The following STXBP5 variants were observed in gnomAD, a reference collection of about 807,000 sequenced individuals.
STXBP5 encodes the protein syntaxin binding protein 5.
A neutral mutation model predicts 152.4 loss-of-function variants in STXBP5; 50 were observed. The ratio of observed to expected loss-of-function variants is 0.33; its 90% CI spans 0.26 to 0.42. The LOEUF (loss-of-function observed/expected upper bound fraction) is 0.42. STXBP5 is among the 10% of genes least tolerant of loss of function. The pLI is 1.00. For synonymous variants in STXBP5, 492 were observed against 494.7 expected, an observed-to-expected ratio of 0.99 and a Z score of 0.07; for missense variants, 1,167 against 1,388.6, an observed-to-expected ratio of 0.84 and a Z score of 2.54.
intron 6 of STXBP5, 49 bp from the exon 7 acceptor site, chr6:147,267,035 T>G: frequency 6.9e-7 from 1 of 1,445,562 alleles, no homozygotes; most frequent in Non-Finnish European, 9.6e-7. Context: ...AATAAATGTT[T>G]TATAATTGAT....
chr6:147,302,835 T>C (rs1290932736), intron 9 of STXBP5, among the ~76,000 whole-genome samples: 1 of 152,220 alleles, frequency 6.6e-6, no homozygotes, highest in Non-Finnish European at 1.5e-5. Flanking sequence ...AACATGTATT[T>C]GGTGAGATAC....
intron 22 of STXBP5, among the ~76,000 whole-genome samples, chr6:147,356,679 A>G (rs1784828387): frequency 6.6e-6 from 1 of 152,122 alleles, no homozygotes; most frequent in Non-Finnish European, 1.5e-5. Context: ...CCTATAATCA[A>G]AGTTATGTTG....
intron 6 of STXBP5, among the ~76,000 whole-genome samples, chr6:147,264,180 C>T (rs560836895): frequency 6.6e-6 from 1 of 152,042 alleles, no homozygotes; most frequent in African/African-American, 2.4e-5. Flanking sequence ...AAGAACTAGA[C>T]ATTTTGTCAT....
At chr6:147,245,011 T>TTGG (rs1491321309) in intron 4 of STXBP5, among the ~76,000 whole-genome samples, 1 of 143,336 alleles carries the variant, frequency 7.0e-6, no homozygotes, top group Admixed American at 6.9e-5. Context: ...TTTTTTTTTT[T>TTGG]AGAGGGAATC....
chr6:147,384,626 T>C (rs1476793276), intron 27 of STXBP5, 88 bp from the exon 28 acceptor site: 1 of 1,339,144 alleles, frequency 7.5e-7, no homozygotes, highest in East Asian at 2.3e-5. Context: ...CAGAATGACA[T>C]AATGTTTTGG....
intron 16 of STXBP5, among the ~76,000 whole-genome samples, chr6:147,317,705 A>C (rs903618926): frequency 6.6e-6 from 1 of 152,170 alleles, no homozygotes; most frequent in Non-Finnish European, 1.5e-5. Context: ...TCCCTCTCTC[A>C]TACCTGTACT....
chr6:147,322,199 A>G (rs1782972330), intron 16 of STXBP5, among the ~76,000 whole-genome samples: 1 of 152,140 alleles, frequency 6.6e-6, no homozygotes, highest in African/African-American at 2.4e-5. Context: ...AAGATAGACC[A>G]CTCAGACCCT....
intron 2 of STXBP5, among the ~76,000 whole-genome samples, chr6:147,213,469 T>TGCGCGCGCGC (rs1487236392): frequency 1.6e-5 from 2 of 121,858 alleles, no homozygotes; most frequent in Non-Finnish European, 3.7e-5. Context: ...TGTGTGTGTG[T>TGCGCGCGCGC]GTGTGTGTGC....
intron 8 of STXBP5, among the ~76,000 whole-genome samples, chr6:147,281,101 A>G (rs1164951423): frequency 2.6e-5 from 4 of 152,176 alleles, no homozygotes; most frequent in Non-Finnish European, 5.9e-5. Flanking sequence ...TTCATGGCAA[A>G]GCTGGAGTAC....
chr6:147,316,230 T>C lies in STXBP5; in HGVS notation c.1625T>C (p.Met542Thr), dbSNP rs1782638023. The change falls in exon 16 of 28, where the codon ATG (methionine) becomes ACG (threonine). Residue 542 changes from methionine to threonine, a missense_variant and splice_region_variant. Met to Thr is a moderately conservative substitution (Grantham distance 81). This residue lies in a region of STXBP5 where 833 missense variants were observed against 986.3 expected (regional missense o/e 0.84). Transcript: ENST00000321680. ...KQEVITEVIPMLEVRLLYEIN... is the reference protein window; with the variant it reads ...KQEVITEVIPTLEVRLLYEIN... Reference sequence around the variant, plus strand: ...TAAACTACCTTACTTTTACAACAGATGCTTGAAGTTCGATTATTATATGAG... The same window carrying C: ...TAAACTACCTTACTTTTACAACAGACGCTTGAAGTTCGATTATTATATGAG... The C allele has an allele frequency of 2.5e-6, 4 of 1,613,734 alleles. No homozygotes were observed. The East Asian group carries it at 8.9e-5, about 36-fold the overall frequency.
At position 147,270,620 on chromosome 6, in the gene STXBP5, T is replaced by G. The variant is rs531133900; in HGVS notation, c.714+3453T>G. Among the ~76,000 whole-genome samples, 4 of 152,078 alleles carry G rather than the reference T, an allele frequency of 2.6e-5. No homozygotes were observed. The South Asian group carries it at 6.2e-4, about 24-fold the overall frequency. ...ACTTGCAGACCTCAACTATAAGATA[T>G]GTTAAAAGAAGTCCTGCATGCAGAA... On this transcript the variant is annotated intron_variant, in intron 7 of 27. Transcript: ENST00000321680.
chr6:147,268,843 A>AT (rs1307030113), intron 7 of STXBP5, among the ~76,000 whole-genome samples: 1 of 152,154 alleles, frequency 6.6e-6, no homozygotes, highest in Non-Finnish European at 1.5e-5. Context: ...GTAGAACAGT[A>AT]TTTTTTAGAG....
At chr6:147,362,187 A>C (rs1785098673) in intron 23 of STXBP5, among the ~76,000 whole-genome samples, 1 of 152,292 alleles carries the variant, frequency 6.6e-6, no homozygotes, top group East Asian at 1.9e-4. Context: ...TATTGATAAA[A>C]CATAAATGCA....
intron 11 of STXBP5, among the ~76,000 whole-genome samples, chr6:147,313,008 A>G (rs531069625): frequency 2.0e-5 from 3 of 152,320 alleles, no homozygotes; most frequent in African/African-American, 7.2e-5. Flanking sequence ...GAGCTAAGGA[A>G]ATAATGTGTG....
intron 4 of STXBP5, among the ~76,000 whole-genome samples, chr6:147,250,932 C>T (rs908818352): frequency 1.6e-4 from 22 of 140,928 alleles, no homozygotes; most frequent in Non-Finnish European, 3.0e-4. Flanking sequence ...CACATCACTG[C>T]ACTCCAGCAT....
At chr6:147,310,506 C>G (rs184451083) in intron 10 of STXBP5, among the ~76,000 whole-genome samples, 237 of 148,954 alleles carry the variant, frequency 1.6e-3, no homozygotes, top group Non-Finnish European at 2.7e-3. Flanking sequence ...TCTCCATAGA[C>G]GCACACACTC....
intron 9 of STXBP5, 92 bp downstream of exon 9, chr6:147,291,264 T>G: frequency 1.0e-6 from 1 of 953,164 alleles, no homozygotes. Context: ...AGGCCTATTT[T>G]AGAATAGTCT....
chr6:147,265,276 C>G (rs1431254054), intron 6 of STXBP5, among the ~76,000 whole-genome samples: 1 of 151,952 alleles, frequency 6.6e-6, no homozygotes, highest in Admixed American at 6.6e-5. Context: ...GATAGTTAGT[C>G]CCTCCAGCTG....
intron 8 of STXBP5, 121 bp from the exon 9 acceptor site, chr6:147,290,973 A>G: frequency 1.5e-6 from 1 of 664,650 alleles, no homozygotes; most frequent in South Asian, 3.4e-5. Flanking sequence ...CTCTTTCAGA[A>G]TCACTTTAAA....
Sources: allele counts gnomAD v4.1 joint callset (sites outside exome capture counted in the v4.1 genomes callset), GRCh38; gene constraint gnomAD v4.1.1; regional missense constraint gnomAD v4.1.1; transcripts MANE v1.5; gene names NCBI Gene and HGNC (gene_info 2026-07-23, HGNC 2026-07-21).